Variants in REPS1 observed in about 807,000 individuals in gnomAD.
REPS1 encodes RALBP1 associated Eps domain containing 1.
REPS1 carries 39 observed loss-of-function variants against 100.9 expected under a neutral mutation model. That is an observed-to-expected ratio of 0.39 (90% CI 0.30 to 0.50). REPS1 has a LOEUF of 0.50. Among genes scored for constraint, REPS1 ranks in the 20% least tolerant of loss-of-function variants. The pLI is 0.86. For missense variants in REPS1, 821 were observed against 968.5 expected (o/e 0.85, Z 2.02); for synonymous variants, 324 against 340.3 (o/e 0.95, Z 0.53).
At chr6:138,937,864 AG>A (rs991316176) in intron 8 of REPS1, among the ~76,000 whole-genome samples, 1 of 152,242 alleles carries the variant, frequency 6.6e-6, no homozygotes. Flanking sequence ...CCTTCCTAGA[AG>A]GCTCTAGTCT....
At chr6:138,962,498 GGA>G (rs1693188868) in intron 1 of REPS1, among the ~76,000 whole-genome samples, 3 of 152,056 alleles carry the variant, frequency 2.0e-5, no homozygotes, top group African/African-American at 7.2e-5. Context: ...AGTAACCAAG[GGA>G]AATTAATTAC....
chr6:138,978,501 G>A (rs1251960241), intron 1 of REPS1, among the ~76,000 whole-genome samples: 3 of 151,110 alleles, frequency 2.0e-5, no homozygotes, highest in African/African-American at 7.3e-5. Flanking sequence ...TACAGGCAGG[G>A]GTCTCCCTAT....
At chr6:138,932,304 C>T (rs1781531810) in intron 8 of REPS1, among the ~76,000 whole-genome samples, 1 of 92,012 alleles carries the variant, frequency 1.1e-5, no homozygotes, top group Non-Finnish European at 2.7e-5. Context: ...GGACCACAGA[C>T]CCCTAAGAGT....
chr6:138,934,423 A>G (rs1319032759), intron 8 of REPS1: 1 of 451,532 alleles, frequency 2.2e-6, no homozygotes, highest in Admixed American at 2.4e-5. Flanking sequence ...GTGTGTCTGA[A>G]AGAGACAACC....
At chr6:138,911,237 G>A in intron 17 of REPS1, 39 bp downstream of exon 17, 1 of 1,280,218 alleles carries the variant, frequency 7.8e-7, no homozygotes, top group African/African-American at 1.5e-5. Flanking sequence ...CATTACTTAT[G>A]ATGTACAAAA....
chr6:138,948,430 C>T (rs1221731120), intron 1 of REPS1, among the ~76,000 whole-genome samples: 2 of 152,132 alleles, frequency 1.3e-5, no homozygotes, highest in South Asian at 2.1e-4. Context: ...GAGATTGAGT[C>T]GGGTTTTCCC....
At chr6:138,952,457 T>A (rs111548528) in intron 1 of REPS1, among the ~76,000 whole-genome samples, 1 of 151,776 alleles carries the variant, frequency 6.6e-6, no homozygotes, top group East Asian at 1.9e-4. Flanking sequence ...TGGAGAGCAA[T>A]GGCGCGATCT....
intron 1 of REPS1, among the ~76,000 whole-genome samples, chr6:138,973,476 C>T (rs1198020565): frequency 6.6e-6 from 1 of 151,004 alleles, no homozygotes; most frequent in Middle Eastern, 3.4e-3. Context: ...TTTAATAAAA[C>T]CTCAGCCAAT....
chr6:138,916,142 T>C, intron 13 of REPS1, 166 bp from the exon 14 acceptor site: 1 of 646,820 alleles, frequency 1.5e-6, no homozygotes, highest in South Asian at 1.8e-5. Context: ...CTGTTTATGA[T>C]GTACCCTAAA....
At chr6:138,910,760 G>A (rs1779952989) in intron 17 of REPS1, among the ~76,000 whole-genome samples, 1 of 152,166 alleles carries the variant, frequency 6.6e-6, no homozygotes, top group South Asian at 2.1e-4. Context: ...TGAACAGATG[G>A]CATGGAGAGA....
chr6:138,908,292 ATTG>A (rs770374811), intron 18 of REPS1, among the ~76,000 whole-genome samples: 6 of 152,046 alleles, frequency 3.9e-5, no homozygotes, highest in Non-Finnish European at 5.9e-5. Context: ...CAGTCTGATT[ATTG>A]TTATTATTAT....
chr6:138,963,557 T>C (rs1439528386), intron 1 of REPS1, among the ~76,000 whole-genome samples: 1 of 152,222 alleles, frequency 6.6e-6, no homozygotes, highest in Non-Finnish European at 1.5e-5. Context: ...GTTCACCATT[T>C]CTTTAAAAAT....
intron 8 of REPS1, among the ~76,000 whole-genome samples, chr6:138,939,455 G>A (rs1782084345): frequency 6.6e-6 from 1 of 152,108 alleles, no homozygotes; most frequent in Non-Finnish European, 1.5e-5. Flanking sequence ...CAACCTTATA[G>A]ATCCAATTTA....
rs548821271 is a variant in REPS1 at position 138,930,187 on chromosome 6, T to C, written c.1136-89A>G. On this transcript the variant is annotated intron_variant, in intron 8 of 19. Transcript: ENST00000450536. ...TACTTATTAAAAAAAAGCCAACCGA[T>C]GATTTTCATAAGTAGTAATATATAA... 31 of 1,070,072 alleles carry C rather than the reference T, an allele frequency of 2.9e-5. No homozygotes were observed. The East Asian group carries it at 3.6e-4, about 13-fold the overall frequency. The allele number at this position is 1,070,072 out of a possible 1,614,324, so 66.3% of individuals were successfully genotyped here.
At chr6:138,958,261 A>C (rs191252418) in intron 1 of REPS1, among the ~76,000 whole-genome samples, 1 of 152,328 alleles carries the variant, frequency 6.6e-6, no homozygotes, top group East Asian at 1.9e-4. Flanking sequence ...TTTTTGCAGG[A>C]AACAACACTA....
intron 1 of REPS1, among the ~76,000 whole-genome samples, chr6:138,953,783 G>A (rs1783195170): frequency 6.6e-6 from 1 of 151,876 alleles, no homozygotes. Context: ...AGAACAGTAT[G>A]AGGTCCCTCA....
intron 1 of REPS1, among the ~76,000 whole-genome samples, chr6:138,950,378 G>A (rs1168477548): frequency 6.6e-6 from 1 of 152,162 alleles, no homozygotes; most frequent in Middle Eastern, 3.2e-3. Flanking sequence ...CTACTCAGGA[G>A]GCTGAAGTGG....
chr6:138,912,670 C>T (rs1780086243), intron 16 of REPS1, 95 bp downstream of exon 16: 2 of 1,152,216 alleles, frequency 1.7e-6, no homozygotes, highest in African/African-American at 3.1e-5. Flanking sequence ...GAATATTTTA[C>T]TCACTGATGT....
chr6:138,921,979 G>GTGTGTGTGTGTT (rs1780802122), intron 10 of REPS1, among the ~76,000 whole-genome samples: 1 of 40,904 alleles, frequency 2.4e-5, no homozygotes, highest in African/African-American at 8.8e-5. Context: ...CTCAAAAAGT[G>GTGTGTGTGTGTT]TGTGTGTGTG....
Sources: allele counts gnomAD v4.1 joint callset (sites outside exome capture counted in the v4.1 genomes callset), GRCh38; gene constraint gnomAD v4.1.1; transcripts MANE v1.5; gene names NCBI Gene and HGNC (gene_info 2026-07-23, HGNC 2026-07-21).